The following SLC1A2 variants were observed in gnomAD, a reference collection of about 807,000 sequenced individuals.
The protein encoded by SLC1A2 is solute carrier family 1 member 2.
SLC1A2 carries 15 observed loss-of-function variants against 48.8 expected under a neutral mutation model. The ratio of observed to expected loss-of-function variants is 0.31; its 90% CI spans 0.21 to 0.47. The LOEUF is 0.47. Among genes scored for constraint, SLC1A2 ranks in the 20% least tolerant of loss-of-function variants. The probability of loss-of-function intolerance (pLI) is 0.99; values close to 1 mark genes in which losing one functional copy is unlikely to be tolerated. For missense variants in SLC1A2, 502 were observed against 730.5 expected, an observed-to-expected ratio of 0.69 and a Z score of 3.61; for synonymous variants, 279 against 272.6, an observed-to-expected ratio of 1.02 and a Z score of -0.23.
chr11:35,349,550 GAGA>G (rs1853165667), intron 1 of SLC1A2, among the ~76,000 whole-genome samples: 1 of 152,202 alleles, frequency 6.6e-6, no homozygotes, highest in South Asian at 2.1e-4. Context: ...AATAAAGAGA[GAGA>G]AGAGCTCTTC....
intron 1 of SLC1A2, among the ~76,000 whole-genome samples, chr11:35,384,101 G>A (rs914803074): frequency 2.0e-5 from 3 of 152,088 alleles, no homozygotes; most frequent in Non-Finnish European, 4.4e-5. Context: ...AGAGAAATAC[G>A]TTCACCCTAG....
chr11:35,405,469 G>C (rs2135283193), intron 1 of SLC1A2, among the ~76,000 whole-genome samples: 1 of 148,914 alleles, frequency 6.7e-6, no homozygotes, highest in Admixed American at 6.7e-5. Flanking sequence ...TTTGACTTAA[G>C]AAATTCCTTC....
intron 9 of SLC1A2, among the ~76,000 whole-genome samples, chr11:35,279,465 C>T (rs183619510): frequency 3.3e-5 from 5 of 152,356 alleles, no homozygotes; most frequent in African/African-American, 9.6e-5. Context: ...CCTTTCACCA[C>T]GCCCTGCCTC....
chr11:35,396,772 TA>T (rs1565301907), intron 1 of SLC1A2, among the ~76,000 whole-genome samples: 2 of 152,148 alleles, frequency 1.3e-5, no homozygotes, highest in African/African-American at 4.8e-5. Context: ...TCCTGAATGG[TA>T]AAACCCCATT....
intron 4 of SLC1A2, chr11:35,307,143 C>G (rs1591452788): frequency 6.6e-6 from 1 of 152,340 alleles, no homozygotes; most frequent in South Asian, 2.1e-4. Flanking sequence ...AACTCATGAT[C>G]CACCTGTTTT....
chr11:35,388,024 T>C (rs1249815371), intron 1 of SLC1A2, among the ~76,000 whole-genome samples: 1 of 152,236 alleles, frequency 6.6e-6, no homozygotes, highest in Non-Finnish European at 1.5e-5. Flanking sequence ...AGCTGAGTCT[T>C]AGAGAACATG....
At chr11:35,347,177 G>A (rs757740784) in intron 1 of SLC1A2, among the ~76,000 whole-genome samples, 7 of 152,208 alleles carry the variant, frequency 4.6e-5, no homozygotes, top group East Asian at 3.8e-4. Context: ...CTTCTGAGGG[G>A]TATGAGGAGG....
At chr11:35,396,556 C>T (rs1417500861) in intron 1 of SLC1A2, among the ~76,000 whole-genome samples, 83 of 150,738 alleles carry the variant, frequency 5.5e-4, no homozygotes, top group African/African-American at 1.9e-3. Context: ...TGTTTGAGTT[C>T]ATTGTAGATT....
chr11:35,333,818 T>A (rs887365209), intron 1 of SLC1A2, among the ~76,000 whole-genome samples: 1 of 141,640 alleles, frequency 7.1e-6, no homozygotes, highest in African/African-American at 2.6e-5. Context: ...TGCACCACCA[T>A]GCCAGCTAAT....
intron 6 of SLC1A2, among the ~76,000 whole-genome samples, chr11:35,295,860 C>A (rs1174768346): frequency 6.6e-6 from 1 of 152,182 alleles, no homozygotes; most frequent in South Asian, 2.1e-4. Context: ...AGAATTCAGT[C>A]GGTGTCCAGG....
chr11:35,300,482 G>T (rs979279784), intron 6 of SLC1A2, among the ~76,000 whole-genome samples: 3 of 152,196 alleles, frequency 2.0e-5, no homozygotes, highest in South Asian at 4.1e-4. Context: ...CTTAATAAAA[G>T]ATGCTCGAGG....
At chr11:35,337,753 A>G (rs1852684598) in intron 1 of SLC1A2, among the ~76,000 whole-genome samples, 1 of 152,138 alleles carries the variant, frequency 6.6e-6, no homozygotes, top group African/African-American at 2.4e-5. Context: ...ATCTGAGCCT[A>G]AGACTCATCT....
At chr11:35,348,901 A>G (rs1207680309) in intron 1 of SLC1A2, among the ~76,000 whole-genome samples, 1 of 151,476 alleles carries the variant, frequency 6.6e-6, no homozygotes, top group Non-Finnish European at 1.5e-5. Flanking sequence ...TCAAAAAAAA[A>G]AAAAAAAAAA....
intron 1 of SLC1A2, among the ~76,000 whole-genome samples, chr11:35,403,902 A>C (rs4755401): frequency 0.075 from 2,575 of 34,286 alleles, 1 homozygote; most frequent in South Asian, 0.11. Flanking sequence ...GAACATCTTC[A>C]TCTTGCTGGC....
intron 1 of SLC1A2, among the ~76,000 whole-genome samples, chr11:35,409,225 G>T (rs1475315132): frequency 6.6e-6 from 1 of 152,204 alleles, no homozygotes; most frequent in Non-Finnish European, 1.5e-5. Flanking sequence ...TTGGCTTGAA[G>T]TTGACAGACT....
intron 1 of SLC1A2, among the ~76,000 whole-genome samples, chr11:35,347,563 C>T (rs7945449): frequency 0.8 from 121,698 of 152,238 alleles, 49,208 homozygotes; most frequent in East Asian, 0.92. Flanking sequence ...CAGTATCTGC[C>T]GTGGACACAA....
Position 35,252,571 on chromosome 11 carries a change from A to C in SLC1A2, c.*8323T>G, listed in dbSNP as rs1950253261. The C allele has an allele frequency of 6.6e-6, 1 of 152,228 alleles. No individual in the cohort carries two copies. The highest frequency in any genetic ancestry group is 1.5e-5 in the Non-Finnish European group (1 of 68,040). The allele number at this position is 152,228 out of a possible 1,614,324, so 9.4% of individuals were successfully genotyped here. A position where few individuals can be genotyped will look rare whatever the true frequency, so the allele number is the denominator to read the frequency against. On this transcript the variant is annotated 3_prime_UTR_variant, in exon 11 of 11. Coordinates refer to ENST00000278379, the MANE Select transcript of SLC1A2 (RefSeq NM_004171.4). Reference sequence around the variant, plus strand: ...ATTTACAAAGGTGCTGGACACACACAGACTTTCAAACAATCATCAGTACAA... The same window carrying C: ...ATTTACAAAGGTGCTGGACACACACCGACTTTCAAACAATCATCAGTACAA...
chr11:35,260,997 C>G (rs1384588549), intron 10 of SLC1A2, 32 bp from the exon 11 acceptor site: 2 of 1,566,982 alleles, frequency 1.3e-6, no homozygotes, highest in East Asian at 2.2e-5. Context: ...ATCCAGCTTA[C>G]AGACCACGAA....
intron 7 of SLC1A2, among the ~76,000 whole-genome samples, chr11:35,289,907 A>C (rs1850943001): frequency 6.6e-6 from 1 of 152,212 alleles, no homozygotes; most frequent in African/African-American, 2.4e-5. Context: ...GAGCTTGAAA[A>C]TCAATCAGGA....
Sources: gnomAD v4.1 joint callset for allele counts (sites outside exome capture counted in the v4.1 genomes callset) on GRCh38, gnomAD v4.1.1 for gene constraint, MANE v1.5 for transcripts, NCBI Gene and HGNC (gene_info 2026-07-23, HGNC 2026-07-21) for gene names.